FBXO17: variants seen among roughly 807,000 people sequenced by gnomAD.
FBXO17 encodes the protein F-box protein 17.
FBXO17 carries 43 observed loss-of-function variants against 34.1 expected under a neutral mutation model. That is an observed-to-expected ratio of 1.26 (90% confidence interval 0.99 to 1.62). FBXO17 has a LOEUF of 1.62. FBXO17 is among the 40% of genes most tolerant of loss of function. The pLI is 0.00. For missense variants in FBXO17, 424 were observed against 386.7 expected (o/e 1.10, Z -0.81); for synonymous variants, 169 against 166.0 (o/e 1.02, Z -0.14).
intron 2 of FBXO17, 84 bp downstream of exon 2, chr19:38,949,887 A>G (rs1568439450): frequency 7.1e-7 from 1 of 1,405,624 alleles, no homozygotes; most frequent in Non-Finnish European, 9.3e-7. Flanking sequence ...CATTGGCTAC[A>G]TCTCTCAGAC....
chr19:38,942,712 A>G lies in FBXO17; in HGVS notation c.733T>C (p.Tyr245His). The G allele has an allele frequency of 6.2e-7, 1 of 1,606,442 alleles. No individual in the cohort carries two copies. Among genetic ancestry groups the G allele is most frequent in the Non-Finnish European group, 8.5e-7 (1 of 1,176,916 alleles). Reference sequence around the variant, plus strand: ...CTCCCGTACTGCTCAAAAGATACGTAGCGGATGCCCTTGCCAAAGTTGGTG... The same window carrying G: ...CTCCCGTACTGCTCAAAAGATACGTGGCGGATGCCCTTGCCAAAGTTGGTG... ...VFTNFGKGIRYVSFEQYGRDV... is the reference protein window; with the variant it reads ...VFTNFGKGIRHVSFEQYGRDV... Residue 245 changes from tyrosine to histidine, a missense_variant, in exon 6 of 6, where the codon TAC becomes CAC. Coordinates refer to ENST00000292852, the MANE Select transcript of FBXO17 (RefSeq NM_024907.7).
At chr19:38,949,068 C>T (rs545705607) in intron 2 of FBXO17, among the ~76,000 whole-genome samples, 10 of 151,608 alleles carry the variant, frequency 6.6e-5, no homozygotes, top group African/African-American at 2.4e-4. Flanking sequence ...TAGCTAGGAC[C>T]ACAGGTGCAT....
intron 1 of FBXO17, among the ~76,000 whole-genome samples, chr19:38,969,274 C>T (rs1281569242): frequency 6.6e-6 from 1 of 151,670 alleles, no homozygotes; most frequent in Admixed American, 6.6e-5. Flanking sequence ...CATAGTGAGA[C>T]CCCCGTCTCT....
intron 1 of FBXO17, among the ~76,000 whole-genome samples, chr19:38,956,272 A>G (rs566575620): frequency 6.6e-6 from 1 of 152,154 alleles, no homozygotes; most frequent in South Asian, 2.1e-4. Flanking sequence ...TCTCAAAAAA[A>G]AAAAAAAAAG....
chr19:38,950,105 C>G lies in FBXO17; in HGVS notation c.215G>C (p.Arg72Pro). The change falls in exon 2 of 6, where the codon CGC (arginine) becomes CCC (proline). Residue 72 changes from arginine to proline, a missense_variant. Coordinates refer to ENST00000292852, the MANE Select transcript of FBXO17 (RefSeq NM_024907.7). ...GCGTTGAGCCACTGCGTAGAGTGCG[C>G]GGCCCTCGGCGCTGCGGTCGCGGGC... is the stretch of plus-strand genomic sequence containing the variant. Reference protein sequence around the residue: ...QLARDRSAEGRALYAVAQRCL... With the variant: ...QLARDRSAEGPALYAVAQRCL... The G allele has an allele frequency of 6.4e-7, 1 of 1,562,346 alleles. No homozygotes were observed. Among genetic ancestry groups the G allele is most frequent in the South Asian group, 1.2e-5 (1 of 85,262 alleles).
At position 38,941,430 on chromosome 19, in the gene FBXO17, C is replaced by T. The variant is rs1377072530; in HGVS notation, c.*1178G>A. 1.3e-5 allele frequency: 2 copies of T among 152,226 alleles called. No individual in the cohort carries two copies. The highest frequency in any genetic ancestry group is 2.9e-5 in the Non-Finnish European group (2 of 68,052). The allele number at this position is 152,226 out of a possible 1,614,324, so 9.4% of individuals were successfully genotyped here. On this transcript the variant is annotated 3_prime_UTR_variant, in exon 6 of 6. Coordinates refer to ENST00000292852, the MANE Select transcript of FBXO17 (RefSeq NM_024907.7). Reference sequence around the variant, plus strand: ...GTGTGGAGTGGGAAATCAGGGGTCTCACGGCCTTCAGAGCTGAGAGCCTTG... The same window carrying T: ...GTGTGGAGTGGGAAATCAGGGGTCTTACGGCCTTCAGAGCTGAGAGCCTTG...
chr19:38,966,293 TTGTGTGTG>T (rs10569438), intron 1 of FBXO17, among the ~76,000 whole-genome samples: 4 of 143,054 alleles, frequency 2.8e-5, no homozygotes, highest in South Asian at 2.3e-4. Context: ...ATTAAAAATT[TTGTGTGTG>T]TGTGTGTGTG....
rs1328060330 is a variant in FBXO17, at chr19:38,945,036, T to C, written c.626A>G (p.Lys209Arg). The change falls in exon 5 of 6, where the codon AAG (lysine) becomes AGG (arginine). Residue 209 changes from lysine (K) to arginine (R), a missense_variant. Lys to Arg is a conservative substitution (Grantham distance 26, BLOSUM62 2). Transcript: ENST00000292852. ...TGAGGCTGAGAACTTGACCACTTCC[T>C]TTTCATACACATCCAGAAGGCGGAC... The part of the protein sequence containing the change: ...LRVRLLDVYE[K>R]EVVKFSASPD... The C allele has an allele frequency of 6.2e-7, 1 of 1,614,068 alleles. No individual in the cohort carries two copies. Among genetic ancestry groups the C allele is most frequent in the East Asian group, 2.2e-5 (1 of 44,892 alleles).
chr19:38,973,198 C>A (rs944481793), intron 1 of FBXO17, among the ~76,000 whole-genome samples: 3 of 152,074 alleles, frequency 2.0e-5, no homozygotes, highest in African/African-American at 7.2e-5. Context: ...CACGGTGAAA[C>A]CCCATCTCTA....
intron 5 of FBXO17, among the ~76,000 whole-genome samples, chr19:38,943,889 C>T (rs1166463536): frequency 6.6e-6 from 1 of 152,126 alleles, no homozygotes; most frequent in Admixed American, 6.6e-5. Flanking sequence ...CACACCCGGC[C>T]CAAAATTCAT....
chr19:38,972,520 G>A (rs1975402984), intron 1 of FBXO17, among the ~76,000 whole-genome samples: 1 of 151,046 alleles, frequency 6.6e-6, no homozygotes, highest in South Asian at 2.1e-4. Flanking sequence ...ACTGCAGCCT[G>A]GGCGACAGAG....
At position 38,944,793 on chromosome 19, in the gene FBXO17, T is replaced by G. The variant is rs1009621180; in HGVS notation, c.693+176A>C. On this transcript the variant is annotated intron_variant, in intron 5 of 5. Transcript: ENST00000292852. ...ACATTAAGGGGTTTTGCTAATGAAA[T>G]GAATCGATATGTAAGCGTCTTGACA... The G allele has an allele frequency of 7.1e-6, 6 of 842,718 alleles. No homozygotes were observed. The East Asian group carries it at 7.9e-5, about 11-fold the overall frequency. 52.2% of individuals were successfully genotyped at this position (842,718 alleles called of 1,614,324 possible). A position where few individuals can be genotyped will look rare whatever the true frequency, so the allele number is the denominator to read the frequency against.
intron 2 of FBXO17, among the ~76,000 whole-genome samples, chr19:38,949,226 C>G (rs778824461): frequency 6.6e-6 from 1 of 152,100 alleles, no homozygotes; most frequent in Non-Finnish European, 1.5e-5. Flanking sequence ...CTCAGCCTCC[C>G]AAGTAGCTGG....
At chr19:38,969,323 G>T (rs79729296) in intron 1 of FBXO17, among the ~76,000 whole-genome samples, 1 of 151,268 alleles carries the variant, frequency 6.6e-6, no homozygotes, top group Non-Finnish European at 1.5e-5. Flanking sequence ...TGTGTGTGTA[G>T]TCCCAGTTAT....
rs551872508 is a variant in FBXO17 at position 38,947,612 on chromosome 19, AAC to A, written c.461+953_461+954del. 1.2e-4 allele frequency among the ~76,000 whole-genome samples: 18 copies of A among 152,232 alleles called. No homozygotes were observed. The East Asian group carries it at 2.3e-3, about 20-fold the overall frequency. ...AAAAAACAAAAACAAAAACAAAAAAAACAGAGTGCCAGGGACAGACGTAGGTA... is the reference window on the plus strand; with the variant it reads ...AAAAAACAAAAACAAAAACAAAAAAAAGAGTGCCAGGGACAGACGTAGGTA... On this transcript the variant is annotated intron_variant, in intron 3 of 5. Transcript: ENST00000292852.
intron 5 of FBXO17, among the ~76,000 whole-genome samples, chr19:38,943,907 A>C (rs1202436565): frequency 6.6e-6 from 1 of 152,158 alleles, no homozygotes; most frequent in African/African-American, 2.4e-5. Context: ...CATTTTTTAA[A>C]GTGTACAATT....
intron 1 of FBXO17, among the ~76,000 whole-genome samples, chr19:38,969,378 G>T (rs1975361123): frequency 6.7e-6 from 1 of 149,346 alleles, no homozygotes; most frequent in Admixed American, 6.7e-5. Flanking sequence ...AGAAGTTGAG[G>T]CTACAGTGAG....
At chr19:38,954,247 G>A (rs1240488208) in intron 1 of FBXO17, among the ~76,000 whole-genome samples, 1 of 152,114 alleles carries the variant, frequency 6.6e-6, no homozygotes, top group Non-Finnish European at 1.5e-5. Context: ...GGGCAAGGGT[G>A]TGTGCAGAGA....
chr19:38,969,523 T>C (rs1975363214), intron 1 of FBXO17, among the ~76,000 whole-genome samples: 1 of 149,024 alleles, frequency 6.7e-6, no homozygotes, highest in African/African-American at 2.5e-5. Context: ...CTAAAAATAC[T>C]ATCAAAGAGA....
Sources: allele counts gnomAD v4.1 joint callset (sites outside exome capture counted in the v4.1 genomes callset), GRCh38; gene constraint gnomAD v4.1.1; transcripts MANE v1.5; gene names NCBI Gene and HGNC (gene_info 2026-07-23, HGNC 2026-07-21).